The following GRXCR1 variants were observed in gnomAD, a reference collection of about 807,000 sequenced individuals.
The protein encoded by GRXCR1 is glutaredoxin and cysteine rich domain containing 1, also known as glutaredoxin domain-containing cysteine-rich protein 1.
GRXCR1 carries 27 observed loss-of-function variants against 27.3 expected under a neutral mutation model. The observed-to-expected ratio is 0.99, with a 90% CI of 0.73 to 1.37. The LOEUF (loss-of-function observed/expected upper bound fraction) is 1.37. Ranked by LOEUF, GRXCR1 falls within the 40% of genes most tolerant of loss-of-function variation. The probability of loss-of-function intolerance (pLI) is 0.00; values close to 1 mark genes in which losing one functional copy is unlikely to be tolerated. For missense variants in GRXCR1, 379 were observed against 354.4 expected (o/e 1.07, Z -0.56); for synonymous variants, 122 against 131.1 (o/e 0.93, Z 0.47).
intron 1 of GRXCR1, among the ~76,000 whole-genome samples, chr4:42,938,173 G>A (rs6852526): frequency 0.14 from 21,579 of 151,940 alleles, 1,637 homozygotes; most frequent in Non-Finnish European, 0.16. Flanking sequence ...GTTACAATAT[G>A]TGAAGCTTGT....
chr4:42,940,972 C>T (rs2109762830), intron 1 of GRXCR1, among the ~76,000 whole-genome samples: 1 of 152,052 alleles, frequency 6.6e-6, no homozygotes, highest in East Asian at 1.9e-4. Context: ...TATATTTAAT[C>T]AATTATGAAA....
At chr4:42,929,516 A>T (rs1351603633) in intron 1 of GRXCR1, among the ~76,000 whole-genome samples, 2 of 151,956 alleles carry the variant, frequency 1.3e-5, no homozygotes, top group Non-Finnish European at 2.9e-5. Flanking sequence ...TGTGGAGAGA[A>T]TCTCACTCAT....
intron 1 of GRXCR1, among the ~76,000 whole-genome samples, chr4:42,932,617 TATAGAGAGAGAGAGAGAGAGAG>T (rs1196911007): frequency 6.9e-5 from 2 of 29,136 alleles, no homozygotes; most frequent in Non-Finnish European, 1.3e-4. Context: ...TATATATATA[TATAGAGAGAGAGAGAGAGAGAG>T]AGAGAGAGAG....
chr4:43,000,502 G>A (rs189484793), intron 2 of GRXCR1, among the ~76,000 whole-genome samples: 4,487 of 146,858 alleles, frequency 0.031, 78 homozygotes, highest in South Asian at 0.06. Flanking sequence ...AAAAAAGAAG[G>A]CATCTAAGTC....
intron 3 of GRXCR1, among the ~76,000 whole-genome samples, chr4:43,026,313 G>A (rs1034006504): frequency 1.3e-5 from 2 of 152,124 alleles, no homozygotes; most frequent in South Asian, 4.1e-4. Context: ...CAGACTTCCA[G>A]TATAACAAAT....
intron 2 of GRXCR1, among the ~76,000 whole-genome samples, chr4:43,019,058 C>T (rs1053200999): frequency 6.6e-6 from 1 of 152,104 alleles, no homozygotes; most frequent in Non-Finnish European, 1.5e-5. Context: ...TAAAATGGAA[C>T]CAAGAAGTAA....
rs535696172 is a variant in GRXCR1 at position 42,914,154 on chromosome 4, G to A, written c.384+20504G>A. On this transcript the variant is annotated intron_variant, in intron 1 of 3. Transcript: ENST00000399770. ...CCCCACTTGGGCACTGCCTAGTGGA[G>A]CTGTGAGAAGACAGCCACCATCCTC... is the stretch of plus-strand genomic sequence containing the variant. Among the ~76,000 whole-genome samples the A allele has an allele frequency of 2.0e-5, 3 of 152,346 alleles. No individual in the cohort carries two copies. The East Asian group carries it at 5.8e-4, about 29-fold the overall frequency.
At chr4:42,979,305 A>G (rs937878902) in intron 2 of GRXCR1, among the ~76,000 whole-genome samples, 3 of 152,034 alleles carry the variant, frequency 2.0e-5, no homozygotes, top group Non-Finnish European at 4.4e-5. Flanking sequence ...ATTGAGTATG[A>G]TTTTAGCTAT....
chr4:42,937,996 G>A lies in GRXCR1; in HGVS notation c.385-24896G>A, dbSNP rs1328709026. Among the ~76,000 whole-genome samples the A allele has an allele frequency of 2.0e-5, 3 of 151,850 alleles. No individual in the cohort carries two copies. The East Asian group carries it at 5.8e-4, about 29-fold the overall frequency. ...TTGCTGACTGCAGTCACCCTGTTGT[G>A]CTATCAAAAATTAGATCTGATTCGT... On this transcript the variant is annotated intron_variant, in intron 1 of 3. Coordinates refer to ENST00000399770, the MANE Select transcript of GRXCR1 (RefSeq NM_001080476.3).
chr4:43,017,760 G>A (rs1220784242), intron 2 of GRXCR1, among the ~76,000 whole-genome samples: 1 of 152,106 alleles, frequency 6.6e-6, no homozygotes, highest in Non-Finnish European at 1.5e-5. Flanking sequence ...GACATTCTTA[G>A]CCAAATACCA....
intron 1 of GRXCR1, among the ~76,000 whole-genome samples, chr4:42,903,374 T>C (rs13131203): frequency 0.19 from 25,692 of 135,590 alleles, 3,555 homozygotes; most frequent in Non-Finnish European, 0.24. Context: ...TGCAGTGGCA[T>C]GATCTCGGCT....
chr4:42,922,079 A>G (rs957087786), intron 1 of GRXCR1, among the ~76,000 whole-genome samples: 1 of 152,176 alleles, frequency 6.6e-6, no homozygotes, highest in Non-Finnish European at 1.5e-5. Flanking sequence ...CTCTGTCTAA[A>G]TATTAAGAAG....
intron 1 of GRXCR1, among the ~76,000 whole-genome samples, chr4:42,932,641 G>T (rs1747355078): frequency 3.0e-5 from 4 of 135,070 alleles, no homozygotes; most frequent in Admixed American, 7.4e-5. Flanking sequence ...GAGAGAGAGA[G>T]AGAGAGAGAG....
At chr4:42,964,597 T>C (rs1748197616) in intron 2 of GRXCR1, among the ~76,000 whole-genome samples, 1 of 152,164 alleles carries the variant, frequency 6.6e-6, no homozygotes, top group Non-Finnish European at 1.5e-5. Flanking sequence ...TTAATTCCTT[T>C]GCTCCAAGTG....
chr4:43,026,587 C>T (rs932114335), intron 3 of GRXCR1, among the ~76,000 whole-genome samples: 2 of 152,118 alleles, frequency 1.3e-5, no homozygotes, highest in Non-Finnish European at 2.9e-5. Flanking sequence ...CTTTCAACTG[C>T]TTTACATTTG....
At position 43,020,383 on chromosome 4, in the gene GRXCR1, A is replaced by G. The variant is rs1713056103; in HGVS notation, c.657A>G (p.Glu219=). 3 of 1,612,236 alleles carry G rather than the reference A, an allele frequency of 1.9e-6. No individual in the cohort carries two copies. The highest frequency in any genetic ancestry group is 2.7e-5 in the African/African-American group (2 of 74,858). Residue 219 remains glutamate (E), a synonymous_variant, in exon 3 of 4, where the codon GAA becomes GAG. Transcript: ENST00000399770. ...GGAEKILSMN[E]SGELQDILTK... ...CTGAGAAAATTTTGTCAATGAATGA[A>G]TCAGGAGAACTGCAAGACATCCTAA...
intron 2 of GRXCR1, among the ~76,000 whole-genome samples, chr4:43,011,104 G>C (rs141360655): frequency 1.5e-4 from 23 of 152,280 alleles, no homozygotes; most frequent in African/African-American, 5.5e-4. Context: ...ACTACAGGAA[G>C]ATTCTCATCA....
At chr4:42,968,857 A>G (rs148922690) in intron 2 of GRXCR1, among the ~76,000 whole-genome samples, 1 of 152,274 alleles carries the variant, frequency 6.6e-6, no homozygotes, top group East Asian at 1.9e-4. Context: ...GGATAGGAAT[A>G]TAATATTCTA....
chr4:42,909,149 C>T (rs1412068524), intron 1 of GRXCR1, among the ~76,000 whole-genome samples: 4 of 152,192 alleles, frequency 2.6e-5, no homozygotes, highest in Non-Finnish European at 5.9e-5. Context: ...TCCCCAGTAA[C>T]CTCTACGTGG....
Sources: allele counts gnomAD v4.1 joint callset (sites outside exome capture counted in the v4.1 genomes callset), GRCh38; gene constraint gnomAD v4.1.1; transcripts MANE v1.5; gene names NCBI Gene and HGNC (gene_info 2026-07-23, HGNC 2026-07-21).